The following FBP2 variants were observed in gnomAD, a reference collection of about 807,000 sequenced individuals.
The protein encoded by FBP2 is fructose-1,6-bisphosphatase isozyme 2.
Under a neutral mutation model 31.6 loss-of-function variants are expected in FBP2, and 27 were observed. The ratio of observed to expected loss-of-function variants is 0.85; its 90% CI spans 0.63 to 1.18. FBP2 has a LOEUF of 1.18. FBP2 is among the 50% of genes most tolerant of loss of function. FBP2 has a pLI of 0.00. For missense variants in FBP2, 421 were observed against 436.1 expected (o/e 0.97, Z 0.31); for synonymous variants, 168 against 179.8 (o/e 0.93, Z 0.53).
At chr9:94,591,483 C>T (rs1334101714) in intron 1 of FBP2, among the ~76,000 whole-genome samples, 1 of 152,224 alleles carries the variant, frequency 6.6e-6, no homozygotes, top group African/African-American at 2.4e-5. Flanking sequence ...CCAGCTGGCC[C>T]GCAAGCGCCG....
Position 94,563,403 on chromosome 9 carries a change from C to T in FBP2, c.764G>A (p.Arg255His), listed in dbSNP as rs550526190. 20 of 1,613,756 alleles carry T rather than the reference C, an allele frequency of 1.2e-5. No individual in the cohort carries two copies. The highest frequency in any genetic ancestry group is 6.7e-5 in the Admixed American group (4 of 59,996). ...GAAGATTCCTCCATAGACCAGGGTGCGGTGCACGTCAGCCACCATGGAGCC... is the reference window on the plus strand; with the variant it reads ...GAAGATTCCTCCATAGACCAGGGTGTGGTGCACGTCAGCCACCATGGAGCC... ...YVGSMVADVHRTLVYGGIFLY... is the reference protein window; with the variant it reads ...YVGSMVADVHHTLVYGGIFLY... Residue 255 changes from arginine (R) to histidine (H), a missense_variant, in exon 6 of 7, where the codon CGC becomes CAC. Arg to His is a conservative substitution (Grantham distance 29). Transcript: ENST00000375337.
At chr9:94,563,212 T>C in intron 6 of FBP2, 130 bp downstream of exon 6, 1 of 1,054,536 alleles carries the variant, frequency 9.5e-7, no homozygotes, top group Non-Finnish European at 1.3e-6. Context: ...CAGAGTTCAT[T>C]TTTCCTCCCC....
intron 1 of FBP2, among the ~76,000 whole-genome samples, chr9:94,590,949 TAC>T (rs1180169986): frequency 6.6e-6 from 1 of 152,240 alleles, no homozygotes; most frequent in Non-Finnish European, 1.5e-5. Context: ...AGCAGCTAGA[TAC>T]AGAGTGTCGA....
At chr9:94,579,522 A>G (rs1457268609) in intron 3 of FBP2, among the ~76,000 whole-genome samples, 1 of 152,128 alleles carries the variant, frequency 6.6e-6, no homozygotes. Flanking sequence ...TGGTTTGTAT[A>G]AATTGTATTA....
In FBP2 at chr9:94,563,453, A is replaced by G; in HGVS notation, c.714T>C (p.Ser238=). ...CCACATACCTGGCCCCATAGGGAGC[A>G]CTGCCATCCTAGAAGACAGAAAGCG... ...VQKKKFPEDG[S]APYGARYVGS... Residue 238 remains serine, a synonymous_variant, in exon 6 of 7, where the codon AGT becomes AGC. Transcript: ENST00000375337. 2 of 1,613,544 alleles carry G rather than the reference A, an allele frequency of 1.2e-6. No homozygotes were observed. The highest frequency in any genetic ancestry group is 1.3e-5 in the African/African-American group (1 of 75,064).
chr9:94,558,989 C>T lies in FBP2; in HGVS notation c.969G>A (p.Glu323=). The change falls in exon 7 of 7, where the codon GAG becomes GAA. Residue 323 remains glutamate (E), a synonymous_variant. Transcript: ENST00000375337. ...QRVPLILGSP[E]DVQEYLTCVQ... is the part of the protein sequence containing the mutation. ...CACAGGTGAGATATTCCTGCACATC[C>T]TCTGGTGACCCCAGAATGAGGGGGA... 1 of 1,614,148 alleles carries T rather than the reference C, an allele frequency of 6.2e-7. No individual in the cohort carries two copies. Among genetic ancestry groups the T allele is most frequent in the Non-Finnish European group, 8.5e-7 (1 of 1,180,042 alleles).
At chr9:94,583,412 C>T (rs569481687) in intron 3 of FBP2, among the ~76,000 whole-genome samples, 1 of 152,328 alleles carries the variant, frequency 6.6e-6, no homozygotes, top group East Asian at 1.9e-4. Context: ...TGAATTAAGG[C>T]TGAGAATTAG....
Position 94,569,062 on chromosome 9 carries a change from CTG to C in FBP2, c.568-1657_568-1656del, listed in dbSNP as rs1387315306. The C allele has an allele frequency of 3.9e-5, 6 of 152,390 alleles. No individual in the cohort carries two copies. In the East Asian group the frequency reaches 9.6e-4, roughly 24 times the overall value. The allele number at this position is 152,390 out of a possible 1,614,324, so 9.4% of individuals were successfully genotyped here. A position where few individuals can be genotyped will look rare whatever the true frequency, so the allele number is the denominator to read the frequency against. On this transcript the variant is annotated intron_variant, in intron 4 of 6. Transcript: ENST00000375337. ...ATGACCTTTAACTTGCTGTGGGTGT[CTG>C]TTGCTTTGGAGCAGCCCAGCGCTGA... is the stretch of plus-strand genomic sequence containing the variant.
chr9:94,577,984 A>G (rs1827333077), intron 3 of FBP2, among the ~76,000 whole-genome samples: 1 of 152,234 alleles, frequency 6.6e-6, no homozygotes, highest in South Asian at 2.1e-4. Flanking sequence ...ATTAAGTTCA[A>G]ATGCTTTCCA....
intron 3 of FBP2, among the ~76,000 whole-genome samples, chr9:94,574,854 T>G (rs929438125): frequency 9.9e-5 from 15 of 152,180 alleles, no homozygotes; most frequent in African/African-American, 3.4e-4. Context: ...GGTCCTGAGA[T>G]TTCAAAAACC....
chr9:94,592,744 A>G (rs1827516094), intron 1 of FBP2, among the ~76,000 whole-genome samples: 1 of 152,240 alleles, frequency 6.6e-6, no homozygotes, highest in Non-Finnish European at 1.5e-5. Flanking sequence ...CATGTTGGCC[A>G]GGATGGTCTT....
intron 3 of FBP2, among the ~76,000 whole-genome samples, chr9:94,572,560 A>G (rs1458156943): frequency 6.6e-6 from 1 of 152,188 alleles, no homozygotes; most frequent in Non-Finnish European, 1.5e-5. Flanking sequence ...GAAGCTCCCA[A>G]CACATTTTCA....
intron 3 of FBP2, among the ~76,000 whole-genome samples, chr9:94,579,614 CT>C (rs1827356147): frequency 2.0e-5 from 3 of 152,054 alleles, no homozygotes; most frequent in Admixed American, 1.3e-4. Flanking sequence ...TAATAGCCCC[CT>C]ATGTTTAAAG....
intron 1 of FBP2, among the ~76,000 whole-genome samples, chr9:94,591,526 C>T (rs749024615): frequency 2.0e-5 from 3 of 152,240 alleles, no homozygotes; most frequent in South Asian, 2.1e-4. Flanking sequence ...GCACCTCTCC[C>T]TCCACACCTC....
Position 94,571,498 on chromosome 9 carries a change from GGA to G in FBP2, c.529_530del (p.Ser177HisfsTer11). 1 of 1,613,858 alleles carries G rather than the reference GGA, an allele frequency of 6.2e-7. No individual in the cohort carries two copies. The highest frequency in any genetic ancestry group is 8.5e-7 in the Non-Finnish European group (1 of 1,179,880). On this transcript the variant is annotated frameshift_variant, in exon 4 of 7. Transcript: ENST00000375337. LOFTEE classifies it high-confidence loss of function. Reference sequence around the variant, plus strand: ...TGAAGAGGTCCACGCCTTGCCCTGTGGAGAGAGCCACCAGGGTTGCACTACCG... The same window carrying G: ...TGAAGAGGTCCACGCCTTGCCCTGTGGAGAGCCACCAGGGTTGCACTACCG... ...LYGSATLVAL[S>X]TGQGVDLFML... is the part of the protein sequence containing the mutation.
intron 3 of FBP2, among the ~76,000 whole-genome samples, chr9:94,579,049 T>TGAAAAAAAAAAAAAAAAA (rs1827346202): frequency 4.4e-4 from 1 of 2,292 alleles, no homozygotes; most frequent in Non-Finnish European, 8.3e-4. Flanking sequence ...AGAGACTCTG[T>TGAAAAAAAAAAAAAAAAA]CAAAAAAAAA....
At chr9:94,573,233 G>A (rs1403987368) in intron 3 of FBP2, among the ~76,000 whole-genome samples, 2 of 152,104 alleles carry the variant, frequency 1.3e-5, no homozygotes, top group East Asian at 3.8e-4. Context: ...GTTAAGGGAC[G>A]CTCCTCCTCT....
At chr9:94,561,464 G>A (rs1009038895) in intron 6 of FBP2, among the ~76,000 whole-genome samples, 16 of 140,266 alleles carry the variant, frequency 1.1e-4, no homozygotes, top group African/African-American at 4.0e-4. Flanking sequence ...CCAGGTTCAC[G>A]CCATTCTCCT....
chr9:94,564,023 C>A (rs1329797488), intron 5 of FBP2, among the ~76,000 whole-genome samples: 2 of 152,106 alleles, frequency 1.3e-5, no homozygotes, highest in Admixed American at 6.5e-5. Flanking sequence ...GACTTAGACA[C>A]CCCCCCACAA....
Sources: allele counts gnomAD v4.1 joint callset (sites outside exome capture counted in the v4.1 genomes callset), GRCh38; gene constraint gnomAD v4.1.1; transcripts MANE v1.5; gene names NCBI Gene and HGNC (gene_info 2026-07-23, HGNC 2026-07-21).